SCTR: variants seen among roughly 807,000 people sequenced by gnomAD.
SCTR encodes pancreatic secretin receptor.
Under a neutral mutation model 60.8 loss-of-function variants are expected in SCTR, and 56 were observed. That is an observed-to-expected ratio of 0.92 (90% CI 0.74 to 1.15). The LOEUF (loss-of-function observed/expected upper bound fraction) is 1.15, where lower values mean the gene tolerates loss of function less well. Among genes scored for constraint, SCTR ranks in the 50% most tolerant of loss-of-function variants. The probability of loss-of-function intolerance (pLI) is 0.00; values close to 1 mark genes in which losing one functional copy is unlikely to be tolerated. For missense variants in SCTR, 562 were observed against 550.4 expected, an observed-to-expected ratio of 1.02 and a Z score of -0.21; for synonymous variants, 202 against 217.0, an observed-to-expected ratio of 0.93 and a Z score of 0.61.
chr2:119,443,842 C>T (rs370367739), intron 11 of SCTR, among the ~76,000 whole-genome samples: 1 of 152,162 alleles, frequency 6.6e-6, no homozygotes, highest in Non-Finnish European at 1.5e-5. Context: ...CCCCCGCGCC[C>T]GGCCATAAAT....
chr2:119,475,271 G>C (rs1048851098), intron 3 of SCTR, among the ~76,000 whole-genome samples: 1 of 152,192 alleles, frequency 6.6e-6, no homozygotes, highest in Non-Finnish European at 1.5e-5. Context: ...CAAGTTAAGG[G>C]AACACAAATT....
intron 2 of SCTR, among the ~76,000 whole-genome samples, chr2:119,490,927 G>A (rs1360349635): frequency 6.6e-6 from 1 of 152,194 alleles, no homozygotes; most frequent in East Asian, 1.9e-4. Flanking sequence ...CAGGGCACTG[G>A]TGGATGCATC....
chr2:119,464,036 A>C, intron 6 of SCTR, 87 bp downstream of exon 6: 1 of 1,404,514 alleles, frequency 7.1e-7, no homozygotes, highest in Non-Finnish European at 1.0e-6. Flanking sequence ...GCTTGGGGGA[A>C]GGACAACTAG....
intron 1 of SCTR, among the ~76,000 whole-genome samples, chr2:119,511,282 C>G (rs944123191): frequency 6.6e-6 from 1 of 152,126 alleles, no homozygotes; most frequent in Non-Finnish European, 1.5e-5. Flanking sequence ...GTCAAACTTC[C>G]TATTAGGGAA....
chr2:119,493,283 A>G (rs1678208186), intron 2 of SCTR, among the ~76,000 whole-genome samples: 1 of 152,146 alleles, frequency 6.6e-6, no homozygotes, highest in African/African-American at 2.4e-5. Context: ...GGATGGATAA[A>G]CCACATTTTG....
At chr2:119,459,271 A>C (rs1358377291) in intron 7 of SCTR, among the ~76,000 whole-genome samples, 1 of 152,218 alleles carries the variant, frequency 6.6e-6, no homozygotes, top group Non-Finnish European at 1.5e-5. Context: ...GAACATGCTT[A>C]TGTGTTAATG....
rs141616317 is a variant in SCTR at position 119,465,814 on chromosome 2, C to A, written c.478G>T (p.Ala160Ser). The change falls in exon 5 of 13, where the codon GCC becomes TCC. Residue 160 changes from alanine to serine, a missense_variant. Ala to Ser is a moderately conservative substitution (Grantham distance 99). Transcript: ENST00000019103. ...YSSSLVMLLVALGILCAFRRL... is the reference protein window; with the variant it reads ...YSSSLVMLLVSLGILCAFRRL... ...CGGAAAGCACAGAGGATGCCAAGGG[C>A]GACCAGGAGCATGACCAGGGAGGAG... is the stretch of plus-strand genomic sequence containing the variant. 1.2e-6 allele frequency: 2 copies of A among 1,613,610 alleles called. No individual in the cohort carries two copies. Among genetic ancestry groups the A allele is most frequent in the African/African-American group, 2.7e-5 (2 of 74,902 alleles).
intron 4 of SCTR, among the ~76,000 whole-genome samples, chr2:119,466,220 G>A (rs189583845): frequency 1.9e-3 from 290 of 152,166 alleles, no homozygotes; most frequent in African/African-American, 6.7e-3. Flanking sequence ...CTTTGAGAAA[G>A]TTATTTGGTG....
At chr2:119,452,500 C>T (rs1389353636) in intron 8 of SCTR, among the ~76,000 whole-genome samples, 1 of 152,128 alleles carries the variant, frequency 6.6e-6, no homozygotes, top group Non-Finnish European at 1.5e-5. Flanking sequence ...TGTGCCCTGT[C>T]CAAGACAGCC....
intron 1 of SCTR, among the ~76,000 whole-genome samples, chr2:119,523,287 G>C (rs1573941110): frequency 6.6e-6 from 1 of 151,818 alleles, no homozygotes; most frequent in East Asian, 1.9e-4. Flanking sequence ...CCTTTCTGCT[G>C]GTCTGGGTGG....
At chr2:119,518,493 G>A (rs1007285458) in intron 1 of SCTR, among the ~76,000 whole-genome samples, 1 of 152,172 alleles carries the variant, frequency 6.6e-6, no homozygotes, top group African/African-American at 2.4e-5. Flanking sequence ...GCAGCACAAT[G>A]GGCTAAGACT....
intron 1 of SCTR, among the ~76,000 whole-genome samples, chr2:119,499,395 C>T (rs1678456715): frequency 6.6e-6 from 1 of 152,008 alleles, no homozygotes; most frequent in Non-Finnish European, 1.5e-5. Flanking sequence ...GAACATTTCA[C>T]CCAACAACAG....
At chr2:119,509,782 T>C (rs893265260) in intron 1 of SCTR, among the ~76,000 whole-genome samples, 1 of 152,178 alleles carries the variant, frequency 6.6e-6, no homozygotes, top group Non-Finnish European at 1.5e-5. Flanking sequence ...ACAGAAGCTC[T>C]GAACTCATCA....
At chr2:119,485,400 G>A (rs533440904) in intron 2 of SCTR, among the ~76,000 whole-genome samples, 29 of 152,344 alleles carry the variant, frequency 1.9e-4, no homozygotes, top group Admixed American at 1.9e-3. Context: ...GTCTGGGTGG[G>A]TTGGGGGAGG....
At chr2:119,483,621 A>G (rs994797968) in intron 2 of SCTR, among the ~76,000 whole-genome samples, 9 of 152,222 alleles carry the variant, frequency 5.9e-5, no homozygotes, top group South Asian at 2.1e-4. Flanking sequence ...TGGCTGGTAC[A>G]TGGTTGAACA....
intron 1 of SCTR, among the ~76,000 whole-genome samples, chr2:119,501,369 C>T (rs1213674275): frequency 6.6e-6 from 1 of 151,528 alleles, no homozygotes; most frequent in East Asian, 1.9e-4. Flanking sequence ...GAGATCATGC[C>T]ACTGCACTCC....
chr2:119,498,781 C>G (rs1252159468), intron 1 of SCTR, among the ~76,000 whole-genome samples: 1 of 151,934 alleles, frequency 6.6e-6, no homozygotes, highest in African/African-American at 2.4e-5. Flanking sequence ...AATTGTTCAA[C>G]TAACCCACAA....
At chr2:119,462,957 G>A (rs1683676390) in intron 6 of SCTR, among the ~76,000 whole-genome samples, 1 of 152,146 alleles carries the variant, frequency 6.6e-6, no homozygotes, top group Non-Finnish European at 1.5e-5. Context: ...AGCGTGGCTA[G>A]GATTTAAGGC....
At chr2:119,510,284 G>A (rs192180984) in intron 1 of SCTR, among the ~76,000 whole-genome samples, 71 of 152,260 alleles carry the variant, frequency 4.7e-4, no homozygotes, top group African/African-American at 1.7e-3. Flanking sequence ...AACAAGCCAA[G>A]ATAATGTGGG....
Sources: gnomAD v4.1 joint callset for allele counts (sites outside exome capture counted in the v4.1 genomes callset) on GRCh38, gnomAD v4.1.1 for gene constraint, MANE v1.5 for transcripts, NCBI Gene and HGNC (gene_info 2026-07-23, HGNC 2026-07-21) for gene names.